GABRB1: variants seen among roughly 807,000 people sequenced by gnomAD.
The protein encoded by GABRB1 is gamma-aminobutyric acid receptor subunit beta-1.
GABRB1 carries 17 observed loss-of-function variants against 51.6 expected under a neutral mutation model. That is an observed-to-expected ratio of 0.33 (90% confidence interval 0.23 to 0.49). The LOEUF is 0.49. Ranked by LOEUF, GABRB1 falls within the 20% of genes least tolerant of loss-of-function variation. The pLI, the probability that GABRB1 is intolerant of heterozygous loss-of-function variation, is 0.99. For synonymous variants in GABRB1, 247 were observed against 218.9 expected (o/e 1.13, Z -1.14); for missense variants, 410 against 600.6 (o/e 0.68, Z 3.32).
chr4:47,266,804 A>G (rs968468753), intron 4 of GABRB1, among the ~76,000 whole-genome samples: 1 of 152,036 alleles, frequency 6.6e-6, no homozygotes, highest in Admixed American at 6.6e-5. Flanking sequence ...CATTTGGTTG[A>G]GGGTCCAGTT....
rs200646815 is a variant in GABRB1, at chr4:47,141,090, T to TA, written c.241-20159_241-20158insA. 6.1e-3 allele frequency among the ~76,000 whole-genome samples: 916 copies of TA among 151,132 alleles called. 17 individuals are homozygous for TA. Among genetic ancestry groups the TA allele is most frequent in the East Asian group, 0.047 (241 of 5,146 alleles). ...CAGTTAGAGTGTACAACAGTTTTTT[T>TA]TAAAAAAAAACAACTAATATCGCTA... On this transcript the variant is annotated intron_variant, in intron 3 of 8. Transcript: ENST00000295454.
At chr4:47,425,516 A>AGATAGATAGATAGATAGATC (rs557382638) in intron 8 of GABRB1, among the ~76,000 whole-genome samples, 158 bp from the exon 9 acceptor site, 19 of 149,430 alleles carry the variant, frequency 1.3e-4, no homozygotes, top group African/African-American at 2.0e-4. Context: ...ATAGATAGAT[A>AGATAGATAGATAGATAGATC]GATCGATCGA....
chr4:47,263,934 C>A (rs1234847649), intron 4 of GABRB1, among the ~76,000 whole-genome samples: 1 of 151,524 alleles, frequency 6.6e-6, no homozygotes, highest in Non-Finnish European at 1.5e-5. Context: ...ATTATTTGAG[C>A]CCAGGAATTC....
chr4:47,281,828 A>T (rs898308602), intron 4 of GABRB1, among the ~76,000 whole-genome samples: 1 of 152,228 alleles, frequency 6.6e-6, no homozygotes, highest in Non-Finnish European at 1.5e-5. Context: ...TGTGGATTTT[A>T]AAAAATCAAT....
chr4:47,119,510 CT>C (rs71195603), intron 3 of GABRB1, among the ~76,000 whole-genome samples: 53,599 of 138,942 alleles, frequency 0.39, 9,722 homozygotes, highest in South Asian at 0.45. Context: ...CTTTTTCTTT[CT>C]TTTTTTTTTT....
At chr4:47,263,091 C>T (rs7693575) in intron 4 of GABRB1, among the ~76,000 whole-genome samples, 95,525 of 148,734 alleles carry the variant, frequency 0.64, 31,114 homozygotes, top group South Asian at 0.81. Flanking sequence ...ATACCTAATG[C>T]TAAATGATGA....
At chr4:47,343,301 T>C (rs1033118981) in intron 5 of GABRB1, among the ~76,000 whole-genome samples, 1 of 151,990 alleles carries the variant, frequency 6.6e-6, no homozygotes, top group African/African-American at 2.4e-5. Context: ...CACACACCAC[T>C]TTGGTTGGGG....
chr4:47,191,701 GA>G (rs567396288), intron 4 of GABRB1, among the ~76,000 whole-genome samples: 2 of 151,136 alleles, frequency 1.3e-5, no homozygotes, highest in East Asian at 1.9e-4. Context: ...ATCAGCACAG[GA>G]AAAAAAAATT....
intron 3 of GABRB1, among the ~76,000 whole-genome samples, chr4:47,037,991 G>C (rs997787349): frequency 6.6e-6 from 1 of 152,088 alleles, no homozygotes; most frequent in Non-Finnish European, 1.5e-5. Flanking sequence ...GAGTAATTTG[G>C]CTTCTGTAGG....
intron 4 of GABRB1, among the ~76,000 whole-genome samples, chr4:47,199,611 C>T (rs533204311): frequency 6.6e-5 from 10 of 152,114 alleles, no homozygotes; most frequent in South Asian, 4.2e-4. Context: ...TGACTCTGAG[C>T]GGGGAGCCTT....
chr4:47,180,853 A>G (rs968395328), intron 4 of GABRB1, among the ~76,000 whole-genome samples: 8 of 152,104 alleles, frequency 5.3e-5, no homozygotes, highest in Admixed American at 6.6e-5. Context: ...ATATTTTTAC[A>G]GATAACTTTG....
chr4:47,397,983 T>C (rs1454127043), intron 5 of GABRB1, among the ~76,000 whole-genome samples: 1 of 152,226 alleles, frequency 6.6e-6, no homozygotes, highest in East Asian at 1.9e-4. Context: ...GCAATCATAT[T>C]AAATTGTGAA....
chr4:47,391,873 G>A (rs1046359393), intron 5 of GABRB1, among the ~76,000 whole-genome samples: 1 of 152,106 alleles, frequency 6.6e-6, no homozygotes, highest in Non-Finnish European at 1.5e-5. Context: ...ATGAAAGAAG[G>A]CCCTTTTCTT....
At chr4:47,047,386 G>T (rs1726143546) in intron 3 of GABRB1, among the ~76,000 whole-genome samples, 1 of 151,962 alleles carries the variant, frequency 6.6e-6, no homozygotes, top group African/African-American at 2.4e-5. Context: ...GCAACCATAT[G>T]AAGTATATAT....
chr4:47,321,803 G>A (rs1158548036), intron 5 of GABRB1, among the ~76,000 whole-genome samples: 1 of 152,158 alleles, frequency 6.6e-6, no homozygotes, highest in Non-Finnish European at 1.5e-5. Context: ...TTCTGCTGGA[G>A]AATATTGACA....
At chr4:47,120,153 C>T (rs1715707323) in intron 3 of GABRB1, among the ~76,000 whole-genome samples, 1 of 152,034 alleles carries the variant, frequency 6.6e-6, no homozygotes, top group African/African-American at 2.4e-5. Context: ...GCAGTCAATT[C>T]AGCAATAGGA....
chr4:47,195,446 GATA>G (rs1560580374), intron 4 of GABRB1, among the ~76,000 whole-genome samples: 5 of 83,074 alleles, frequency 6.0e-5, no homozygotes, highest in Non-Finnish European at 1.0e-4. Context: ...ATAGATAGAT[GATA>G]GATAGATTAG....
intron 3 of GABRB1, among the ~76,000 whole-genome samples, chr4:47,075,348 T>C (rs1327792132): frequency 6.6e-6 from 1 of 152,174 alleles, no homozygotes; most frequent in Admixed American, 6.5e-5. Flanking sequence ...CGGATGCCGT[T>C]ACAGTAATTA....
intron 4 of GABRB1, among the ~76,000 whole-genome samples, chr4:47,231,007 T>C (rs528840623): frequency 6.6e-6 from 1 of 152,168 alleles, no homozygotes; most frequent in Admixed American, 6.6e-5. Flanking sequence ...GGTTTTAAGG[T>C]CTTCTACACC....
Sources: allele counts gnomAD v4.1 joint callset (sites outside exome capture counted in the v4.1 genomes callset), GRCh38; gene constraint gnomAD v4.1.1; transcripts MANE v1.5; gene names NCBI Gene and HGNC (gene_info 2026-07-23, HGNC 2026-07-21).